Variants in TMEM41B observed in about 807,000 individuals in gnomAD.
The protein encoded by TMEM41B is transmembrane protein 41B.
A neutral mutation model predicts 31.9 loss-of-function variants in TMEM41B; 18 were observed. The ratio of observed to expected loss-of-function variants is 0.56; its 90% CI spans 0.39 to 0.84. The LOEUF is 0.84. TMEM41B is among the 40% of genes least tolerant of loss of function. The probability of loss-of-function intolerance (pLI) is 0.00; values close to 1 mark genes in which losing one functional copy is unlikely to be tolerated. For missense variants in TMEM41B, 322 were observed against 348.0 expected (o/e 0.93, Z 0.59); for synonymous variants, 144 against 124.3 (o/e 1.16, Z -1.05).
Position 9,314,562 on chromosome 11 carries a change from A to G in TMEM41B, c.-121T>C. ...GAGCCACTTCCGGCGCGACCTCCTC[A>G]CCCGAGACGACCTCAGCCCAGCGAG... is the stretch of plus-strand genomic sequence containing the variant. On this transcript the variant is annotated 5_prime_UTR_variant, in exon 1 of 7. Coordinates refer to ENST00000528080, the MANE Select transcript of TMEM41B (RefSeq NM_015012.4). The G allele has an allele frequency of 7.4e-7, 1 of 1,349,862 alleles. No homozygotes were observed. The highest frequency in any genetic ancestry group is 9.8e-7 in the Non-Finnish European group (1 of 1,019,222). 83.6% of individuals were successfully genotyped at this position (1,349,862 alleles called of 1,614,324 possible). A position where few individuals can be genotyped will look rare whatever the true frequency, so the allele number is the denominator to read the frequency against.
chr11:9,312,041 A>G (rs1052962899), intron 1 of TMEM41B, among the ~76,000 whole-genome samples: 2 of 152,230 alleles, frequency 1.3e-5, no homozygotes, highest in Admixed American at 6.5e-5. Context: ...TGGAATTTAC[A>G]GGAACATTCT....
chr11:9,304,000 T>G (rs1286851535), intron 1 of TMEM41B, among the ~76,000 whole-genome samples: 4 of 152,196 alleles, frequency 2.6e-5, no homozygotes, highest in Non-Finnish European at 4.4e-5. Flanking sequence ...AACTTTGTTA[T>G]ATTTCATCTT....
At chr11:9,292,003 GCCT>G (rs1852971438) in intron 3 of TMEM41B, among the ~76,000 whole-genome samples, 1 of 152,112 alleles carries the variant, frequency 6.6e-6, no homozygotes, top group Non-Finnish European at 1.5e-5. Flanking sequence ...ACCGTGCCTG[GCCT>G]CCTTTTCTTT....
chr11:9,308,095 C>T (rs1350672666), intron 1 of TMEM41B, among the ~76,000 whole-genome samples: 2 of 152,058 alleles, frequency 1.3e-5, no homozygotes, highest in African/African-American at 4.8e-5. Context: ...ACATGTAATC[C>T]CAGCACTTTG....
chr11:9,311,556 G>T (rs577325776), intron 1 of TMEM41B: 4 of 1,199,876 alleles, frequency 3.3e-6, no homozygotes, highest in East Asian at 2.4e-5. Context: ...CGGAGCTCCT[G>T]GGGGAGGAGG....
intron 1 of TMEM41B, among the ~76,000 whole-genome samples, chr11:9,313,686 A>G (rs1853617526): frequency 6.6e-6 from 1 of 152,232 alleles, no homozygotes; most frequent in Non-Finnish European, 1.5e-5. Flanking sequence ...ATATTTATTT[A>G]GCCCCCACTT....
At chr11:9,310,044 AT>A (rs1216955051) in intron 1 of TMEM41B, among the ~76,000 whole-genome samples, 2 of 148,974 alleles carry the variant, frequency 1.3e-5, no homozygotes, top group Non-Finnish European at 1.5e-5. Flanking sequence ...TATTATTATT[AT>A]TTTTTTTTGA....
intron 1 of TMEM41B, among the ~76,000 whole-genome samples, chr11:9,306,468 G>C (rs980541312): frequency 6.6e-6 from 1 of 151,892 alleles, no homozygotes; most frequent in Admixed American, 6.6e-5. Flanking sequence ...GGATCATGAG[G>C]TCAGGAGATC....
At chr11:9,298,570 G>A (rs999761302) in intron 2 of TMEM41B, among the ~76,000 whole-genome samples, 11 of 151,872 alleles carry the variant, frequency 7.2e-5, no homozygotes, top group Non-Finnish European at 2.9e-5. Flanking sequence ...TTTGGGACCA[G>A]CCTGGCCAAC....
intron 2 of TMEM41B, among the ~76,000 whole-genome samples, chr11:9,296,720 T>A (rs942826771): frequency 6.6e-6 from 1 of 151,936 alleles, no homozygotes; most frequent in African/African-American, 2.4e-5. Flanking sequence ...TAATTTACAA[T>A]GAAAATTAAG....
Position 9,297,420 on chromosome 11 carries a change from G to A in TMEM41B, c.240-2033C>T, listed in dbSNP as rs528483784. 2.5e-3 allele frequency among the ~76,000 whole-genome samples: 375 copies of A among 152,268 alleles called. 1 individual carries two copies. The highest frequency in any genetic ancestry group is 8.7e-3 in the African/African-American group (360 of 41,586). ...TTTCAAAATTTTTTATAGGCTGGGC[G>A]CAGTGGCCTAGGCCTGTAATCCCAG... On this transcript the variant is annotated intron_variant, in intron 2 of 6. Coordinates refer to ENST00000528080, the MANE Select transcript of TMEM41B (RefSeq NM_015012.4).
At chr11:9,287,422 T>C (rs1318485203) in intron 5 of TMEM41B, among the ~76,000 whole-genome samples, 1 of 152,234 alleles carries the variant, frequency 6.6e-6, no homozygotes, top group East Asian at 1.9e-4. Flanking sequence ...ATTATGTGGA[T>C]GCCTTTATAT....
chr11:9,284,156 T>C (rs75782360), intron 6 of TMEM41B, among the ~76,000 whole-genome samples: 1 of 151,730 alleles, frequency 6.6e-6, no homozygotes, highest in Admixed American at 6.6e-5. Flanking sequence ...ATGCTTTTGT[T>C]TTCTCCCCCC....
chr11:9,297,732 C>T (rs1269227791), intron 2 of TMEM41B, among the ~76,000 whole-genome samples: 1 of 151,912 alleles, frequency 6.6e-6, no homozygotes, highest in Non-Finnish European at 1.5e-5. Context: ...GATGGGGTCT[C>T]GCTATGTGAC....
chr11:9,297,145 C>T (rs1208981168), intron 2 of TMEM41B, among the ~76,000 whole-genome samples: 1 of 152,096 alleles, frequency 6.6e-6, no homozygotes, highest in Non-Finnish European at 1.5e-5. Flanking sequence ...AGTGCAGTGG[C>T]GTGATCTCGG....
intron 1 of TMEM41B, chr11:9,311,703 C>T (rs1182862896): frequency 6.6e-6 from 5 of 759,950 alleles, no homozygotes; most frequent in Non-Finnish European, 1.2e-5. Flanking sequence ...TAGGTGTGTC[C>T]TCCAGCCTTT....
Position 9,290,377 on chromosome 11 carries a change from AAAAAC to A in TMEM41B, c.369-1847_369-1843del, listed in dbSNP as rs760970733. 5.3e-5 allele frequency among the ~76,000 whole-genome samples: 8 copies of A among 152,270 alleles called. No individual in the cohort carries two copies. In the East Asian group the frequency reaches 9.6e-4, roughly 18 times the overall value. ...TGGCAACAGAGCAAGACTCCATCTC[AAAAAC>A]AAAACAAAACAAAACATCATATTAT... On this transcript the variant is annotated intron_variant, in intron 3 of 6. Coordinates refer to ENST00000528080, the MANE Select transcript of TMEM41B (RefSeq NM_015012.4).
intron 1 of TMEM41B, among the ~76,000 whole-genome samples, chr11:9,301,983 TTC>T (rs5789599): frequency 0.39 from 58,088 of 148,774 alleles, 12,219 homozygotes; most frequent in East Asian, 0.5. Context: ...CCAGTTGAGA[TTC>T]TCTCTTATAT....
At chr11:9,308,025 C>G (rs566023282) in intron 1 of TMEM41B, among the ~76,000 whole-genome samples, 91 of 152,082 alleles carry the variant, frequency 6.0e-4, no homozygotes, top group Non-Finnish European at 1.2e-3. Flanking sequence ...CGTGAGCCAC[C>G]GCGCCCAGCC....
Sources: gnomAD v4.1 joint callset for allele counts (sites outside exome capture counted in the v4.1 genomes callset) on GRCh38, gnomAD v4.1.1 for gene constraint, MANE v1.5 for transcripts, NCBI Gene and HGNC (gene_info 2026-07-23, HGNC 2026-07-21) for gene names.